The following TANGO6 variants were observed in gnomAD, a reference collection of about 807,000 sequenced individuals.
TANGO6 encodes transport and Golgi organization protein 6 homolog.
A neutral mutation model predicts 114.2 loss-of-function variants in TANGO6; 90 were observed. The ratio of observed to expected loss-of-function variants is 0.79; its 90% confidence interval spans 0.66 to 0.94. The LOEUF is 0.94. Ranked by LOEUF, TANGO6 falls within the 40% of genes least tolerant of loss-of-function variation. The pLI, the probability that TANGO6 is intolerant of heterozygous loss-of-function variation, is 0.00. For synonymous variants in TANGO6, 477 were observed against 509.8 expected, an observed-to-expected ratio of 0.94 and a Z score of 0.87; for missense variants, 1,274 against 1,315.3, an observed-to-expected ratio of 0.97 and a Z score of 0.49.
At chr16:69,026,479 A>C (rs1035680047) in intron 16 of TANGO6, 1 of 184,136 alleles carries the variant, frequency 5.4e-6, no homozygotes, top group African/African-American at 2.4e-5. Flanking sequence ...TTTTCACAAA[A>C]GCTTTCTCTG....
chr16:68,917,870 A>G (rs935213978), intron 11 of TANGO6, among the ~76,000 whole-genome samples: 5 of 150,990 alleles, frequency 3.3e-5, no homozygotes, highest in Non-Finnish European at 5.9e-5. Context: ...CTCCCACCTC[A>G]GTCTCCTGAG....
Position 68,900,478 on chromosome 16 carries a change from C to A in TANGO6, c.1422C>A (p.Ser474=). ...GNEPLTVLMD[S]LLPVLGVLFL... is the part of the protein sequence containing the mutation. Reference sequence around the variant, plus strand: ...AACCTTTAACAGTTTTGATGGATTCCCTGCTTCCAGTCCTGGGAGTGCTTT... The same window carrying A: ...AACCTTTAACAGTTTTGATGGATTCACTGCTTCCAGTCCTGGGAGTGCTTT... The change falls in exon 8 of 18, where the codon TCC becomes TCA. Residue 474 remains serine, a synonymous_variant. Transcript: ENST00000261778. 6.2e-7 allele frequency: 1 copy of A among 1,613,884 alleles called. No homozygotes were observed. The highest frequency in any genetic ancestry group is 1.3e-5 in the African/African-American group (1 of 75,014).
At chr16:68,965,031 A>G (rs1239653197) in intron 14 of TANGO6, among the ~76,000 whole-genome samples, 2 of 152,338 alleles carry the variant, frequency 1.3e-5, no homozygotes, top group Middle Eastern at 3.4e-3. Flanking sequence ...TAATATACCT[A>G]TTAGGATAGA....
rs114262114 is a variant in TANGO6, at chr16:69,062,891, G to A, written c.3109-20594G>A. On this transcript the variant is annotated intron_variant, in intron 17 of 17. Transcript: ENST00000261778. ...TGGTGAATCACGAGGTCAGGAGTTA[G>A]AGACCAGCATGGCCAAATGGTGAAA... 2.9e-3 allele frequency among the ~76,000 whole-genome samples: 438 copies of A among 149,014 alleles called. 2 individuals are homozygous for A. The highest frequency in any genetic ancestry group is 0.01 in the African/African-American group (416 of 40,676).
intron 1 of TANGO6, among the ~76,000 whole-genome samples, chr16:68,848,325 T>C (rs1442268873): frequency 6.6e-6 from 1 of 152,088 alleles, no homozygotes; most frequent in Non-Finnish European, 1.5e-5. Flanking sequence ...TAAAAAATAT[T>C]ATAGCAAAGA....
intron 6 of TANGO6, among the ~76,000 whole-genome samples, chr16:68,879,524 G>C (rs1962423564): frequency 1.3e-5 from 2 of 151,704 alleles, no homozygotes; most frequent in African/African-American, 2.4e-5. Flanking sequence ...AAAACTTTTT[G>C]AAGGGAAATT....
intron 17 of TANGO6, among the ~76,000 whole-genome samples, chr16:69,081,920 G>C (rs370056758): frequency 6.6e-6 from 1 of 150,728 alleles, no homozygotes; most frequent in Non-Finnish European, 1.5e-5. Context: ...TGCAACCTCC[G>C]CCTCCTGGGT....
At chr16:68,980,468 T>C (rs1334879743) in intron 15 of TANGO6, among the ~76,000 whole-genome samples, 30 of 143,204 alleles carry the variant, frequency 2.1e-4, no homozygotes, top group African/African-American at 7.5e-4. Flanking sequence ...AGGGTCTTGC[T>C]ATGTTGCCCA....
intron 17 of TANGO6, among the ~76,000 whole-genome samples, chr16:69,053,319 G>A (rs1357542825): frequency 2.6e-5 from 4 of 151,926 alleles, no homozygotes; most frequent in Non-Finnish European, 1.5e-5. Flanking sequence ...AGCATTCAGT[G>A]TTTATGTTAT....
chr16:68,859,912 A>C lies in TANGO6; in HGVS notation c.123A>C (p.Thr41=), dbSNP rs1962062929. The stretch of plus-strand genomic sequence containing the variant: ...CGGGCTCAAGTTCACTACAGGTCAC[A>C]AAACATGATGTCTTGTTGGCTACTT... ...GGSGSSSLQV[T]KHDVLLATLK... The change falls in exon 2 of 18, where the codon ACA becomes ACC. Residue 41 remains threonine, a synonymous_variant. Coordinates refer to ENST00000261778, the MANE Select transcript of TANGO6 (RefSeq NM_024562.2). 6.3e-7 allele frequency: 1 copy of C among 1,594,732 alleles called. No individual in the cohort carries two copies. Among genetic ancestry groups the C allele is most frequent in the Non-Finnish European group, 8.5e-7 (1 of 1,170,256 alleles).
intron 1 of TANGO6, among the ~76,000 whole-genome samples, chr16:68,852,636 C>T (rs1419788465): frequency 1.3e-5 from 2 of 151,860 alleles, no homozygotes. Context: ...TCAAGACCAG[C>T]CTGGGCAACA....
At chr16:68,909,094 A>G in intron 10 of TANGO6, 117 bp from the exon 11 acceptor site, 1 of 925,550 alleles carries the variant, frequency 1.1e-6, no homozygotes, top group East Asian at 3.2e-5. Flanking sequence ...TAATGTTGCA[A>G]CAAACACAGA....
At position 68,880,540 on chromosome 16, in the gene TANGO6, T is replaced by C. The variant is rs772556197; in HGVS notation, c.1295-8T>C. 2.5e-6 allele frequency: 4 copies of C among 1,608,416 alleles called. No homozygotes were observed. The highest frequency in any genetic ancestry group is 2.7e-5 in the African/African-American group (2 of 74,610). ...AAATATGGGTAATTTTGTGTGTTTA[T>C]TTTCTAGAGCTTTCAGAGAGTGACA... On this transcript the variant is annotated splice_region_variant and splice_polypyrimidine_tract_variant and intron_variant, in intron 6 of 17. Coordinates refer to ENST00000261778, the MANE Select transcript of TANGO6 (RefSeq NM_024562.2).
In TANGO6 at chr16:68,946,594, G is replaced by A. The variant is rs1233471494; in HGVS notation, c.2701+16299G>A. 2.6e-5 allele frequency among the ~76,000 whole-genome samples: 4 copies of A among 151,958 alleles called. No individual in the cohort carries two copies. The South Asian group carries it at 8.3e-4, about 31-fold the overall frequency. On this transcript the variant is annotated intron_variant, in intron 14 of 17. Transcript: ENST00000261778. ...CCTTGATATCCCCAGGCTTACTACA[G>A]CCTTGGCCTCCCACCTCAGCCTCCC...
At chr16:68,916,677 G>A (rs1963010032) in intron 11 of TANGO6, among the ~76,000 whole-genome samples, 1 of 152,116 alleles carries the variant, frequency 6.6e-6, no homozygotes, top group African/African-American at 2.4e-5. Context: ...TCCCTGAGGA[G>A]GAAACCTCCT....
At chr16:68,896,065 A>T (rs1017556683) in intron 7 of TANGO6, among the ~76,000 whole-genome samples, 16 of 140,542 alleles carry the variant, frequency 1.1e-4, no homozygotes, top group Non-Finnish European at 1.6e-4. Context: ...TGCAGTAGCC[A>T]TGATCTTGGC....
At chr16:68,893,389 A>G (rs1316784155) in intron 7 of TANGO6, among the ~76,000 whole-genome samples, 1 of 152,164 alleles carries the variant, frequency 6.6e-6, no homozygotes. Flanking sequence ...TATACCATTA[A>G]AAAAGGGAAC....
intron 14 of TANGO6, chr16:68,937,698 G>T (rs534720395): frequency 3.9e-5 from 6 of 152,166 alleles, no homozygotes; most frequent in Middle Eastern, 3.4e-3. Context: ...GAGGTTTGAG[G>T]TTTCCTTTTT....
At chr16:68,958,820 C>T (rs756715397) in intron 14 of TANGO6, among the ~76,000 whole-genome samples, 12 of 152,002 alleles carry the variant, frequency 7.9e-5, no homozygotes, top group Admixed American at 1.3e-4. Flanking sequence ...TGCCTGTGGT[C>T]CCAGCTACTC....
Sources: allele counts gnomAD v4.1 joint callset (sites outside exome capture counted in the v4.1 genomes callset), GRCh38; gene constraint gnomAD v4.1.1; transcripts MANE v1.5; gene names NCBI Gene and HGNC (gene_info 2026-07-23, HGNC 2026-07-21).